The following DENND1A variants were observed in gnomAD, a reference collection of about 807,000 sequenced individuals.
DENND1A encodes the protein DENN domain containing 1A, also known as DENN domain-containing protein 1A.
DENND1A carries 51 observed loss-of-function variants against 113.7 expected under a neutral mutation model. That is an observed-to-expected ratio of 0.45 (90% CI 0.36 to 0.57). The LOEUF is 0.57. Ranked by LOEUF, DENND1A falls within the 20% of genes least tolerant of loss-of-function variation. DENND1A has a pLI of 0.00. For synonymous variants in DENND1A, 565 were observed against 570.8 expected (o/e 0.99, Z 0.14); for missense variants, 1,258 against 1,395.9 (o/e 0.90, Z 1.57).
intron 3 of DENND1A, among the ~76,000 whole-genome samples, chr9:123,788,743 C>A (rs1249646520): frequency 6.6e-6 from 1 of 152,072 alleles, no homozygotes; most frequent in African/African-American, 2.4e-5. Context: ...TTAAGAGCCA[C>A]ATTACCTAAA....
chr9:123,583,060 G>A lies in DENND1A; in HGVS notation c.867+109C>T, dbSNP rs73580105. 8,563 of 803,138 alleles carry A rather than the reference G, an allele frequency of 0.011. 594 individuals are homozygous for A. In the African/African-American group the frequency reaches 0.14, roughly 13 times the overall value. The allele number at this position is 803,138 out of a possible 1,614,324, so 49.8% of individuals were successfully genotyped here. On this transcript the variant is annotated intron_variant, in intron 12 of 23. Transcript: ENST00000394215. ...TGCAGAAACAAACTGCAGTTCTCAG[G>A]TCACAGGAAAACCCTCGCTATTTCC...
intron 13 of DENND1A, among the ~76,000 whole-genome samples, chr9:123,464,753 C>CT (rs775297651): frequency 7.3e-5 from 11 of 151,132 alleles, no homozygotes; most frequent in South Asian, 4.2e-4. Flanking sequence ...TTAATTAAAA[C>CT]TTTTTTTTTA....
intron 9 of DENND1A, among the ~76,000 whole-genome samples, chr9:123,635,301 T>C (rs984563949): frequency 6.6e-5 from 10 of 152,058 alleles, no homozygotes; most frequent in Non-Finnish European, 1.5e-4. Flanking sequence ...TGCGTGTGTG[T>C]TGATACACAT....
chr9:123,403,299 G>T, intron 21 of DENND1A, 103 bp downstream of exon 21: 1 of 1,173,232 alleles, frequency 8.5e-7, no homozygotes, highest in Non-Finnish European at 1.2e-6. Flanking sequence ...GGGAGCCCCG[G>T]GGAAGCCTCA....
intron 1 of DENND1A, among the ~76,000 whole-genome samples, chr9:123,879,553 T>TACACACACACACACACACACACACAC (rs138124573): frequency 1.4e-4 from 21 of 150,106 alleles, no homozygotes; most frequent in African/African-American, 4.9e-4. Flanking sequence ...AATAAAATTA[T>TACACACACACACACACACACACACAC]ACACACACAC....
intron 5 of DENND1A, among the ~76,000 whole-genome samples, chr9:123,738,946 T>C (rs1292089799): frequency 6.6e-6 from 1 of 152,182 alleles, no homozygotes; most frequent in African/African-American, 2.4e-5. Context: ...CCTGCAACAT[T>C]TTGCAATAAC....
At chr9:123,770,582 T>C (rs1341105808) in intron 3 of DENND1A, among the ~76,000 whole-genome samples, 2 of 152,244 alleles carry the variant, frequency 1.3e-5, no homozygotes, top group Non-Finnish European at 2.9e-5. Context: ...GGTTGGTGCT[T>C]ATCATAAGTT....
At position 123,537,430 on chromosome 9, in the gene DENND1A, G is replaced by C. The variant is rs79719673; in HGVS notation, c.993+20140C>G. Among the ~76,000 whole-genome samples the C allele has an allele frequency of 4.0e-3, 614 of 151,672 alleles. 6 individuals are homozygous for C. The East Asian group carries it at 0.066, about 16-fold the overall frequency. ...AAGAGATAAAAGAGATTTTAAAGAA[G>C]GTGAAAAATATTGAAAATAGGCAAA... is the stretch of plus-strand genomic sequence containing the variant. On this transcript the variant is annotated intron_variant, in intron 13 of 23. Coordinates refer to ENST00000394215, the MANE Select transcript of DENND1A (RefSeq NM_001352964.2).
chr9:123,570,882 C>T (rs1292338108), intron 12 of DENND1A, among the ~76,000 whole-genome samples: 1 of 152,052 alleles, frequency 6.6e-6, no homozygotes, highest in Non-Finnish European at 1.5e-5. Flanking sequence ...AGAAATATGG[C>T]GTGGAGAAGG....
At chr9:123,420,237 C>T (rs1287755325) in intron 19 of DENND1A, among the ~76,000 whole-genome samples, 1 of 152,196 alleles carries the variant, frequency 6.6e-6, no homozygotes, top group East Asian at 1.9e-4. Flanking sequence ...GTCCTGGCGA[C>T]TCTGAGACAG....
intron 13 of DENND1A, among the ~76,000 whole-genome samples, chr9:123,531,590 CACACACACACACAG>C (rs2055325565): frequency 6.9e-6 from 1 of 145,282 alleles, no homozygotes. Flanking sequence ...CACACACACA[CACACACACACACAG>C]AAGGCAATTA....
At chr9:123,827,321 A>C (rs1839486435) in intron 2 of DENND1A, among the ~76,000 whole-genome samples, 1 of 151,362 alleles carries the variant, frequency 6.6e-6, no homozygotes, top group Non-Finnish European at 1.5e-5. Context: ...GAAGAACTAG[A>C]ATAAGATTAT....
intron 13 of DENND1A, chr9:123,492,094 A>T (rs2051426510): frequency 6.6e-6 from 1 of 152,220 alleles, no homozygotes. Context: ...CCCTCCCCAG[A>T]TGTTCACAGG....
intron 12 of DENND1A, among the ~76,000 whole-genome samples, chr9:123,561,269 C>A (rs906260463): frequency 6.6e-6 from 1 of 151,840 alleles, no homozygotes; most frequent in Non-Finnish European, 1.5e-5. Flanking sequence ...GCCTCATTAC[C>A]ATTTTACACA....
At chr9:123,429,385 A>G (rs1305397671) in intron 19 of DENND1A, among the ~76,000 whole-genome samples, 4 of 152,126 alleles carry the variant, frequency 2.6e-5, no homozygotes, top group Non-Finnish European at 5.9e-5. Flanking sequence ...GTGAAACCCC[A>G]TCTCTACTAA....
chr9:123,589,587 A>G (rs1310905294), intron 11 of DENND1A, among the ~76,000 whole-genome samples: 1 of 148,548 alleles, frequency 6.7e-6, no homozygotes, highest in African/African-American at 2.5e-5. Flanking sequence ...GCATATGCCA[A>G]AGCTCCTGCC....
intron 19 of DENND1A, among the ~76,000 whole-genome samples, chr9:123,435,422 C>A (rs1348190792): frequency 6.6e-6 from 1 of 152,192 alleles, no homozygotes; most frequent in Non-Finnish European, 1.5e-5. Context: ...GACCTCCCTG[C>A]CACAGTTCTC....
chr9:123,601,575 A>G (rs1379340939), intron 11 of DENND1A, among the ~76,000 whole-genome samples: 1 of 152,198 alleles, frequency 6.6e-6, no homozygotes, highest in East Asian at 1.9e-4. Context: ...TCCAGGACCA[A>G]GCCACCGTTC....
intron 1 of DENND1A, among the ~76,000 whole-genome samples, chr9:123,889,854 C>T (rs996139986): frequency 1.3e-5 from 2 of 151,946 alleles, no homozygotes; most frequent in South Asian, 2.1e-4. Context: ...ACAGCTGTAA[C>T]CCCAGCTACT....
Sources: allele counts gnomAD v4.1 joint callset (sites outside exome capture counted in the v4.1 genomes callset), GRCh38; gene constraint gnomAD v4.1.1; transcripts MANE v1.5; gene names NCBI Gene and HGNC (gene_info 2026-07-23, HGNC 2026-07-21).